Variants in FOXL2 observed in about 807,000 individuals in gnomAD.
The protein encoded by FOXL2 is forkhead box protein L2.
FOXL2 carries 3 observed loss-of-function variants against 2.5 expected under a neutral mutation model. The observed-to-expected ratio is 1.20, with a 90% CI of 0.55 to 3.11. The LOEUF (loss-of-function observed/expected upper bound fraction) is 3.11. Among genes scored for constraint, FOXL2 ranks in the 30% most tolerant of loss-of-function variants. The probability of loss-of-function intolerance (pLI) is 0.03; values close to 1 mark genes in which losing one functional copy is unlikely to be tolerated. For synonymous variants in FOXL2, 315 were observed against 269.4 expected (o/e 1.17, Z -1.66); for missense variants, 512 against 570.0 (o/e 0.90, Z 1.04).
At position 138,946,612 on chromosome 3, in the gene FOXL2, G is replaced by A. The variant is rs750720022; in HGVS notation, c.111C>T (p.Gly37=). Residue 37 remains glycine (G), a synonymous_variant, in exon 1 of 1, where the codon GGC becomes GGT. Coordinates refer to ENST00000648323, the MANE Select transcript of FOXL2 (RefSeq NM_023067.4). ...PEGPPPSPGK[G]GGGGGGTAPE... ...GGGCTGTCCCGCCGCCACCCCCACCGCCCTTGCCTGGGCTCGGCGGCGGCC... is the reference window on the plus strand; with the variant it reads ...GGGCTGTCCCGCCGCCACCCCCACCACCCTTGCCTGGGCTCGGCGGCGGCC... 15 of 1,602,706 alleles carry A rather than the reference G, an allele frequency of 9.4e-6. No homozygotes were observed. In the Admixed American group the frequency reaches 2.2e-4, roughly 23 times the overall value.
At position 138,945,015 on chromosome 3, in the gene FOXL2, G is replaced by C. The variant is rs557984777; in HGVS notation, c.*577C>G. Reference sequence around the variant, plus strand: ...CGGCTCCCGCTGGGTCCCAACCCCCGCCCCGCCTAGTGGGCCCCGCGGCAA... The same window carrying C: ...CGGCTCCCGCTGGGTCCCAACCCCCCCCCCGCCTAGTGGGCCCCGCGGCAA... On this transcript the variant is annotated 3_prime_UTR_variant, in exon 1 of 1. Transcript: ENST00000648323. The C allele has an allele frequency of 6.4e-5, 15 of 232,858 alleles. No individual in the cohort carries two copies. In the South Asian group the frequency reaches 2.7e-3, roughly 42 times the overall value. The allele number at this position is 232,858 out of a possible 1,614,324, so 14.4% of individuals were successfully genotyped here.
Position 138,945,410 on chromosome 3 carries a change from C to A in FOXL2, c.*182G>T. On this transcript the variant is annotated 3_prime_UTR_variant, in exon 1 of 1. Coordinates refer to ENST00000648323, the MANE Select transcript of FOXL2 (RefSeq NM_023067.4). ...CACAGGAGGACATAAACTGAGGGGA[C>A]AAAGAGGAGCGACAGGAGCTTAGGA... 9.3e-7 allele frequency: 1 copy of A among 1,076,772 alleles called. No individual in the cohort carries two copies. Among genetic ancestry groups the A allele is most frequent in the African/African-American group, 1.6e-5 (1 of 63,394 alleles). 66.7% of individuals were successfully genotyped at this position (1,076,772 alleles called of 1,614,324 possible).
In FOXL2 at chr3:138,944,392, C is replaced by A; in HGVS notation, c.*1200G>T. ...GTTTTCGGGCCGGGCCGGCTCCGGG[C>A]CACAAGACCGCCTAGGTCGGCCGCT... On this transcript the variant is annotated 3_prime_UTR_variant, in exon 1 of 1. Coordinates refer to ENST00000648323, the MANE Select transcript of FOXL2 (RefSeq NM_023067.4). 1 of 233,108 alleles carries A rather than the reference C, an allele frequency of 4.3e-6. No homozygotes were observed. The highest frequency in any genetic ancestry group is 8.5e-6 in the Non-Finnish European group (1 of 117,664). 14.4% of individuals were successfully genotyped at this position (233,108 alleles called of 1,614,324 possible).
Position 138,946,369 on chromosome 3 carries a change from C to T in FOXL2, c.354G>A (p.Glu118=), listed in dbSNP as rs200719486. The stretch of plus-strand genomic sequence containing the variant: ...AGTTGCCCTTGCGCTCGCCGCCGCC[C>T]TCGCGCGGCACCTTGATGAAGCACT... ...LNECFIKVPR[E]GGGERKGNYW... is the part of the protein sequence containing the mutation. Residue 118 remains glutamate, a synonymous_variant, in exon 1 of 1, where the codon GAG becomes GAA. Transcript: ENST00000648323. 18 of 1,614,128 alleles carry T rather than the reference C, an allele frequency of 1.1e-5. No homozygotes were observed. Among genetic ancestry groups the T allele is most frequent in the Admixed American group, 3.3e-5 (2 of 60,032 alleles).
In FOXL2 at chr3:138,946,648, C is replaced by T. The variant is rs1319070794; in HGVS notation, c.75G>A (p.Lys25=). 5.6e-6 allele frequency: 9 copies of T among 1,594,214 alleles called. No individual in the cohort carries two copies. The highest frequency in any genetic ancestry group is 7.7e-6 in the Non-Finnish European group (9 of 1,173,638). The change falls in exon 1 of 1, where the codon AAG becomes AAA. Residue 25 remains lysine, a synonymous_variant. Transcript: ENST00000648323. ...LLAPETGRTV[K]EPEGPPPSPG... ...GGCTCGGCGGCGGCCCTTCTGGCTC[C>T]TTGACTGTGCGACCGGTCTCTGGGG... is the stretch of plus-strand genomic sequence containing the variant.
Position 138,945,713 on chromosome 3 carries a change from G to T in FOXL2, c.1010C>A (p.Pro337His). The change falls in exon 1 of 1, where the codon CCC becomes CAC. Residue 337 changes from proline to histidine, a missense_variant. By Grantham distance (77) the Pro-to-His change is moderately conservative (BLOSUM62 -2). Around this residue, in one of 5 missense-constraint regions of FOXL2, gnomAD observed 66 missense variants for 58.3 expected, o/e 1.13. Coordinates refer to ENST00000648323, the MANE Select transcript of FOXL2 (RefSeq NM_023067.4). ...GAACTGCAGGCCCGGCGCACTGGTG[G>T]GCGCGGGCGCCGGGGGCGCGGCGGT... Reference protein sequence around the residue: ...PATAAPPAPAPTSAPGLQFAC... With the variant: ...PATAAPPAPAHTSAPGLQFAC... 1.3e-6 allele frequency: 2 copies of T among 1,483,076 alleles called. No individual in the cohort carries two copies. The highest frequency in any genetic ancestry group is 1.8e-6 in the Non-Finnish European group (2 of 1,101,200). 91.9% of individuals were successfully genotyped at this position (1,483,076 alleles called of 1,614,324 possible).
In FOXL2 at chr3:138,945,796, T is replaced by TGGGGCAGGCGGC; in HGVS notation, c.915_926dup (p.Pro307_Pro310dup). On this transcript the variant is annotated inframe_insertion, in exon 1 of 1. Transcript: ENST00000648323. Reference sequence around the variant, plus strand: ...GCGGCGCGGCGGCCCCGTGGTGCGGTGGGGCAGGCGGCGGTGCGGCGGCCG... The same window carrying TGGGGCAGGCGGC: ...GCGGCGCGGCGGCCCCGTGGTGCGGTGGGGCAGGCGGCGGGGCAGGCGGCGGTGCGGCGGCCG... 8.5e-7 allele frequency: 1 copy of TGGGGCAGGCGGC among 1,174,556 alleles called. No individual in the cohort carries two copies. The highest frequency in any genetic ancestry group is 1.6e-5 in the African/African-American group (1 of 61,476). 72.8% of individuals were successfully genotyped at this position (1,174,556 alleles called of 1,614,324 possible).
At position 138,944,810 on chromosome 3, in the gene FOXL2, C is replaced by T; in HGVS notation, c.*782G>A. 1 of 227,772 alleles carries T rather than the reference C, an allele frequency of 4.4e-6. No individual in the cohort carries two copies. 14.1% of individuals were successfully genotyped at this position (227,772 alleles called of 1,614,324 possible). A position where few individuals can be genotyped will look rare whatever the true frequency, so the allele number is the denominator to read the frequency against. Reference sequence around the variant, plus strand: ...CCCGGTTGCCCGGTGAATTTTTTTTCCTTTTTTTTTTTTTAAATACTCTCT... The same window carrying T: ...CCCGGTTGCCCGGTGAATTTTTTTTTCTTTTTTTTTTTTTAAATACTCTCT... On this transcript the variant is annotated 3_prime_UTR_variant, in exon 1 of 1. Transcript: ENST00000648323.
chr3:138,945,947 G>A lies in FOXL2; in HGVS notation c.776C>T (p.Thr259Ile). ...AGPAASYGPY[T>I]RVQSMALPPG... ...GGGCAGCGCCATGCTCTGCACGCGTGTGTACGGCCCGTACGAGGCGGCCGG... is the reference window on the plus strand; with the variant it reads ...GGGCAGCGCCATGCTCTGCACGCGTATGTACGGCCCGTACGAGGCGGCCGG... Residue 259 changes from threonine to isoleucine, a missense_variant, in exon 1 of 1, where the codon ACA becomes ATA. By Grantham distance (89) the Thr-to-Ile change is moderately conservative. This residue lies in a region of FOXL2 where 287 missense variants were observed against 277.4 expected (regional missense o/e 1.03). Transcript: ENST00000648323. 1 of 1,409,834 alleles carries A rather than the reference G, an allele frequency of 7.1e-7. No homozygotes were observed. Among genetic ancestry groups the A allele is most frequent in the South Asian group, 1.7e-5 (1 of 59,120 alleles). 87.3% of individuals were successfully genotyped at this position (1,409,834 alleles called of 1,614,324 possible).
In FOXL2 at chr3:138,946,568, G is replaced by A; in HGVS notation, c.155C>T (p.Ala52Val). Residue 52 changes from alanine (A) to valine (V), a missense_variant, in exon 1 of 1, where the codon GCG (alanine) becomes GTG (valine). Physicochemically the swap from Ala to Val is moderately conservative, Grantham distance 64. This residue lies in a region of FOXL2 where 92 missense variants were observed against 77.8 expected (regional missense o/e 1.18). Coordinates refer to ENST00000648323, the MANE Select transcript of FOXL2 (RefSeq NM_023067.4). ...GGTAPEKPDP[A>V]QKPPYSYVAL... ...CACGTACGAGTACGGGGGCTTCTGCGCCGGGTCCGGCTTCTCCGGGGCTGT... is the reference window on the plus strand; with the variant it reads ...CACGTACGAGTACGGGGGCTTCTGCACCGGGTCCGGCTTCTCCGGGGCTGT... 1 of 1,610,072 alleles carries A rather than the reference G, an allele frequency of 6.2e-7. No individual in the cohort carries two copies. Among genetic ancestry groups the A allele is most frequent in the Non-Finnish European group, 8.5e-7 (1 of 1,179,756 alleles).
chr3:138,947,011 C>T lies in FOXL2; in HGVS notation c.-289G>A. ...CCCTCCCCGCTCAGGCCAGTCCCCG[C>T]CTTGGTGGGTTTTCTTTTCTGCGCT... is the stretch of plus-strand genomic sequence containing the variant. On this transcript the variant is annotated 5_prime_UTR_variant, in exon 1 of 1. Coordinates refer to ENST00000648323, the MANE Select transcript of FOXL2 (RefSeq NM_023067.4). This position sits in a 1 kb window ranked among gnomAD's most constrained non-coding sequence, Gnocchi z 5.2. The T allele has an allele frequency of 1.8e-6, 1 of 547,576 alleles. No homozygotes were observed. 33.9% of individuals were successfully genotyped at this position (547,576 alleles called of 1,614,324 possible).
rs999102294 is a variant in FOXL2, at chr3:138,945,530, C to G, written c.*62G>C. ...TGGCGGCGGCGTCGTCGGCTGCGAC[C>G]GGGGCCGGCGTCGCGCGTCCCTGCA... On this transcript the variant is annotated 3_prime_UTR_variant, in exon 1 of 1. Transcript: ENST00000648323. The G allele has an allele frequency of 6.4e-7, 1 of 1,565,698 alleles. No individual in the cohort carries two copies. Among genetic ancestry groups the G allele is most frequent in the Non-Finnish European group, 8.7e-7 (1 of 1,151,538 alleles).
chr3:138,945,258 G>C lies in FOXL2; in HGVS notation c.*334C>G, dbSNP rs1559921399. On this transcript the variant is annotated 3_prime_UTR_variant, in exon 1 of 1. Transcript: ENST00000648323. ...ACGCCCGGTCGCACCTCCGCCCCGG[G>C]CCCTTTCCGCGGTGAATTTGGGCAG... 1 of 252,274 alleles carries C rather than the reference G, an allele frequency of 4.0e-6. No individual in the cohort carries two copies. Among genetic ancestry groups the C allele is most frequent in the African/African-American group, 2.2e-5 (1 of 45,964 alleles). 15.6% of individuals were successfully genotyped at this position (252,274 alleles called of 1,614,324 possible).
In FOXL2 at chr3:138,945,919, G is replaced by A. The variant is rs777394919; in HGVS notation, c.804C>T (p.Pro268=). Reference sequence around the variant, plus strand: ...GGCCATTGTACGAGTTCACTACGCCGGGGGGCAGCGCCATGCTCTGCACGC... The same window carrying A: ...GGCCATTGTACGAGTTCACTACGCCAGGGGGCAGCGCCATGCTCTGCACGC... ...YTRVQSMALP[P]GVVNSYNGLG... is the part of the protein sequence containing the mutation. The change falls in exon 1 of 1, where the codon CCC becomes CCT. Residue 268 remains proline, a synonymous_variant. Transcript: ENST00000648323. 2 of 1,334,068 alleles carry A rather than the reference G, an allele frequency of 1.5e-6. No homozygotes were observed. The highest frequency in any genetic ancestry group is 2.4e-5 in the South Asian group (1 of 41,158). 82.6% of individuals were successfully genotyped at this position (1,334,068 alleles called of 1,614,324 possible). A position where few individuals can be genotyped will look rare whatever the true frequency, so the allele number is the denominator to read the frequency against.
In FOXL2 at chr3:138,945,206, G is replaced by C. The variant is rs1314685222; in HGVS notation, c.*386C>G. The C allele has an allele frequency of 4.0e-6, 1 of 248,632 alleles. No homozygotes were observed. The highest frequency in any genetic ancestry group is 1.4e-4 in the South Asian group (1 of 6,986). 15.4% of individuals were successfully genotyped at this position (248,632 alleles called of 1,614,324 possible). Reference sequence around the variant, plus strand: ...GGAGAGCGAGCGCACCGACCTGTGAGAGAAGGCCAAGAGGTCTGCGCTGCC... The same window carrying C: ...GGAGAGCGAGCGCACCGACCTGTGACAGAAGGCCAAGAGGTCTGCGCTGCC... On this transcript the variant is annotated 3_prime_UTR_variant, in exon 1 of 1. Coordinates refer to ENST00000648323, the MANE Select transcript of FOXL2 (RefSeq NM_023067.4).
chr3:138,946,638 C>A lies in FOXL2; in HGVS notation c.85G>T (p.Gly29Trp), dbSNP rs748930135. 6.3e-7 allele frequency: 1 copy of A among 1,591,164 alleles called. No homozygotes were observed. Residue 29 changes from glycine (G) to tryptophan (W), a missense_variant, in exon 1 of 1, where the codon GGG becomes TGG. Gly to Trp is a radical substitution (Grantham distance 184). Around this residue, in one of 5 missense-constraint regions of FOXL2, gnomAD observed 92 missense variants for 77.8 expected, o/e 1.18. Coordinates refer to ENST00000648323, the MANE Select transcript of FOXL2 (RefSeq NM_023067.4). ...ETGRTVKEPE[G>W]PPPSPGKGGG... The stretch of plus-strand genomic sequence containing the variant: ...CCCTTGCCTGGGCTCGGCGGCGGCC[C>A]TTCTGGCTCCTTGACTGTGCGACCG...
Position 138,946,000 on chromosome 3 carries a change from C to G in FOXL2, c.723G>C (p.Ala241=), listed in dbSNP as rs1364469578. 2 of 1,397,026 alleles carry G rather than the reference C, an allele frequency of 1.4e-6. No homozygotes were observed. Among genetic ancestry groups the G allele is most frequent in the Non-Finnish European group, 1.8e-6 (2 of 1,088,742 alleles). The allele number at this position is 1,397,026 out of a possible 1,614,324, so 86.5% of individuals were successfully genotyped here. A position where few individuals can be genotyped will look rare whatever the true frequency, so the allele number is the denominator to read the frequency against. The change falls in exon 1 of 1, where the codon GCG becomes GCC. Residue 241 remains alanine (A), a synonymous_variant. Coordinates refer to ENST00000648323, the MANE Select transcript of FOXL2 (RefSeq NM_023067.4). ...CCGCCAGCCCCTTGACCACAGCGGCCGCGCCAGGGCTACCGGGGCCCGCGG... is the reference window on the plus strand; with the variant it reads ...CCGCCAGCCCCTTGACCACAGCGGCGGCGCCAGGGCTACCGGGGCCCGCGG... ...AAAAGPGSPG[A]AAVVKGLAGP...
chr3:138,945,748 G>C lies in FOXL2; in HGVS notation c.975C>G (p.Ala325=). Residue 325 remains alanine (A), a synonymous_variant, in exon 1 of 1, where the codon GCC becomes GCG. Transcript: ENST00000648323. ...AAPPPGQLSP[A]SPATAAPPAP... is the part of the protein sequence containing the mutation. ...CCGGGGGCGCGGCGGTGGCTGGGCT[G>C]GCAGGGCTGAGCTGGCCCGGCGGCG... The C allele has an allele frequency of 7.5e-7, 1 of 1,334,588 alleles. No individual in the cohort carries two copies. The highest frequency in any genetic ancestry group is 1.8e-5 in the South Asian group (1 of 54,830). 82.7% of individuals were successfully genotyped at this position (1,334,588 alleles called of 1,614,324 possible). A position where few individuals can be genotyped will look rare whatever the true frequency, so the allele number is the denominator to read the frequency against.
chr3:138,946,811 A>G lies in FOXL2; in HGVS notation c.-89T>C, dbSNP rs1445377655. ...AGAGTTGGGGCGCACGAGTCCGCTT[A>G]CGGCCAAGTCTCAAACTTCTGGAGA... On this transcript the variant is annotated 5_prime_UTR_variant, in exon 1 of 1. Transcript: ENST00000648323. The G allele has an allele frequency of 6.6e-7, 1 of 1,510,696 alleles. No individual in the cohort carries two copies. The highest frequency in any genetic ancestry group is 2.5e-5 in the East Asian group (1 of 40,230). 93.6% of individuals were successfully genotyped at this position (1,510,696 alleles called of 1,614,324 possible).
Sources: allele counts gnomAD v4.1 joint callset, GRCh38; gene constraint gnomAD v4.1.1; regional missense constraint gnomAD v4.1.1; non-coding constraint Gnocchi (gnomAD v3.1); transcripts MANE v1.5; gene names NCBI Gene and HGNC (gene_info 2026-07-23, HGNC 2026-07-21).